HMCN2: variants seen among roughly 807,000 people sequenced by gnomAD.
HMCN2 encodes the protein hemicentin 2, also known as hemicentin-2.
Under a neutral mutation model 377.5 loss-of-function variants are expected in HMCN2, and 325 were observed. The observed-to-expected ratio is 0.86, with a 90% confidence interval of 0.79 to 0.94. The LOEUF (loss-of-function observed/expected upper bound fraction) is 0.94. Ranked by LOEUF, HMCN2 falls within the 40% of genes least tolerant of loss-of-function variation. The pLI, the probability that HMCN2 is intolerant of heterozygous loss-of-function variation, is 0.00. For missense variants in HMCN2, 4,543 were observed against 4,725.3 expected (o/e 0.96, Z 1.13); for synonymous variants, 2,007 against 2,046.8 (o/e 0.98, Z 0.53).
At chr9:130,432,102 CGTGGGCA>C (rs1461378046) in intron 96 of HMCN2, among the ~76,000 whole-genome samples, 2 of 152,216 alleles carry the variant, frequency 1.3e-5, no homozygotes, top group Non-Finnish European at 2.9e-5. Context: ...GGGCTCTGCC[CGTGGGCA>C]GTGGGCACTC....
intron 15 of HMCN2, among the ~76,000 whole-genome samples, chr9:130,317,505 CTT>C (rs1837626646): frequency 1.7e-5 from 2 of 120,004 alleles, no homozygotes; most frequent in East Asian, 2.4e-4. Flanking sequence ...CTCTCTCTCT[CTT>C]TTTTGTAGAC....
intron 85 of HMCN2, among the ~76,000 whole-genome samples, chr9:130,412,561 CTT>C (rs1228229806): frequency 2.9e-4 from 23 of 79,448 alleles, no homozygotes; most frequent in African/African-American, 4.9e-4. Flanking sequence ...TCTTTTCTTT[CTT>C]TCTCTTTTTT....
At position 130,393,366 on chromosome 9, in the gene HMCN2, G is replaced by T; in HGVS notation, c.10234+57G>T. Reference sequence around the variant, plus strand: ...CTGGCCTTGGTGGGTGAGAATCAAGGCCCTTGGCCCCCCTGCCCTTCTGGG... The same window carrying T: ...CTGGCCTTGGTGGGTGAGAATCAAGTCCCTTGGCCCCCCTGCCCTTCTGGG... On this transcript the variant is annotated intron_variant, in intron 67 of 97. Coordinates refer to ENST00000683500, the MANE Select transcript of HMCN2 (RefSeq NM_001291815.2). The surrounding 1 kb of genome is among the most constrained non-coding windows in gnomAD (Gnocchi z 5.2). The T allele has an allele frequency of 1.0e-6, 1 of 974,482 alleles. No individual in the cohort carries two copies. Among genetic ancestry groups the T allele is most frequent in the Non-Finnish European group, 1.2e-6 (1 of 816,138 alleles). 60.4% of individuals were successfully genotyped at this position (974,482 alleles called of 1,614,324 possible).
intron 22 of HMCN2, among the ~76,000 whole-genome samples, chr9:130,330,658 G>A (rs1344162090): frequency 2.0e-5 from 3 of 152,164 alleles, no homozygotes; most frequent in Non-Finnish European, 2.9e-5. Context: ...CTCAGAAGCC[G>A]TGAAGTTCTG....
At chr9:130,383,231 G>A (rs4740199) in intron 56 of HMCN2, among the ~76,000 whole-genome samples, 1 of 151,092 alleles carries the variant, frequency 6.6e-6, no homozygotes, top group East Asian at 1.9e-4. Flanking sequence ...GGGGACCCTG[G>A]GAGCCCAACA....
intron 11 of HMCN2, 53 bp from the exon 12 acceptor site, chr9:130,306,076 G>A (rs1437669014): frequency 2.2e-6 from 1 of 460,906 alleles, no homozygotes; most frequent in Non-Finnish European, 4.6e-6. Context: ...TGCCTGGGAT[G>A]GCACGGCTGC....
rs1282299865 is a variant in HMCN2 at position 130,308,528 on chromosome 9, C to T, written c.2200+962C>T. ...CCGGGGTCAGCAATACTGTCCCCTC[C>T]CATTCCTTGCAGCAGCTGCCTGGGA... is the stretch of plus-strand genomic sequence containing the variant. On this transcript the variant is annotated intron_variant, in intron 14 of 97. Transcript: ENST00000683500. The surrounding 1 kb of genome is among the most constrained non-coding windows in gnomAD (Gnocchi z 4.1). 6.6e-6 allele frequency among the ~76,000 whole-genome samples: 1 copy of T among 152,142 alleles called. No homozygotes were observed. Among genetic ancestry groups the T allele is most frequent in the Non-Finnish European group, 1.5e-5 (1 of 68,026 alleles).
intron 96 of HMCN2, among the ~76,000 whole-genome samples, chr9:130,431,850 G>A (rs575785740): frequency 3.0e-4 from 46 of 152,246 alleles, no homozygotes; most frequent in Non-Finnish European, 6.3e-4. Flanking sequence ...GATGAGAGCT[G>A]TGGAGGTTGA....
At chr9:130,382,147 G>T (rs13285825) in intron 54 of HMCN2, 37 bp from the exon 55 acceptor site, 77,847 of 945,422 alleles carry the variant, frequency 0.082, 3,535 homozygotes, top group Non-Finnish European at 0.091. Flanking sequence ...GGTGACTCTC[G>T]TGCCTGAGCC....
chr9:130,266,275 C>G (rs1325419671), intron 1 of HMCN2, 138 bp downstream of exon 1: 1 of 357,364 alleles, frequency 2.8e-6, no homozygotes, highest in Non-Finnish European at 5.5e-6. Context: ...CTCGGCATAT[C>G]CGCGCTGCGG....
intron 32 of HMCN2, 88 bp from the exon 33 acceptor site, chr9:130,355,658 C>A: frequency 1.4e-6 from 1 of 707,278 alleles, no homozygotes; most frequent in Non-Finnish European, 2.2e-6. Flanking sequence ...TGCAGCTGGG[C>A]CTCGCTTGGA....
At position 130,400,881 on chromosome 9, in the gene HMCN2, G is replaced by A. The variant is rs1009289359; in HGVS notation, c.11704G>A (p.Val3902Met). The change falls in exon 77 of 98, where the codon GTG (valine) becomes ATG (methionine). Residue 3902 changes from valine to methionine, a missense_variant. Val to Met is a conservative substitution (Grantham distance 21, BLOSUM62 1). Transcript: ENST00000683500. The part of the protein sequence containing the change: ...CHSTGIPAPT[V>M]SWSKAGAQLG... ...CAGCACGGGTATACCAGCTCCGACCGTGTCCTGGAGCAAGGCAGGCGCCCA... is the reference window on the plus strand; with the variant it reads ...CAGCACGGGTATACCAGCTCCGACCATGTCCTGGAGCAAGGCAGGCGCCCA... 8.5e-6 allele frequency: 11 copies of A among 1,289,302 alleles called. No individual in the cohort carries two copies. The highest frequency in any genetic ancestry group is 4.6e-5 in the African/African-American group (3 of 65,862). The allele number at this position is 1,289,302 out of a possible 1,614,324, so 79.9% of individuals were successfully genotyped here.
intron 65 of HMCN2, 94 bp downstream of exon 65, chr9:130,391,668 C>T: frequency 1.0e-6 from 1 of 967,406 alleles, no homozygotes; most frequent in Non-Finnish European, 1.2e-6. Context: ...TGTCCTGGGC[C>T]ACGGGTCTCA....
intron 61 of HMCN2, among the ~76,000 whole-genome samples, chr9:130,388,042 G>A (rs1195213440): frequency 6.6e-6 from 1 of 152,226 alleles, no homozygotes; most frequent in Non-Finnish European, 1.5e-5. Flanking sequence ...TGAGGGCAAA[G>A]GCATTTCATC....
intron 85 of HMCN2, among the ~76,000 whole-genome samples, chr9:130,417,792 T>C (rs1843777758): frequency 6.6e-6 from 1 of 152,220 alleles, no homozygotes; most frequent in Admixed American, 6.5e-5. Flanking sequence ...CCTGTGTTTC[T>C]GCAGCTTGCT....
rs1171893563 is a variant in HMCN2 at position 130,348,652 on chromosome 9, G to A, written c.4132G>A (p.Val1378Met). The change falls in exon 27 of 98, where the codon GTG (valine) becomes ATG (methionine). Residue 1378 changes from valine to methionine, a missense_variant. By Grantham distance (21) the Val-to-Met change is conservative (BLOSUM62 1). Coordinates refer to ENST00000683500, the MANE Select transcript of HMCN2 (RefSeq NM_001291815.2). ...GAACGGCTTTCCAGTCCCTGAGATC[G>A]TGTGGCTGAAGGACGCGCAGCTGGT... ...DANGFPVPEI[V>M]WLKDAQLIPK... is the part of the protein sequence containing the mutation. 6 of 1,304,124 alleles carry A rather than the reference G, an allele frequency of 4.6e-6. No individual in the cohort carries two copies. Among genetic ancestry groups the A allele is most frequent in the Admixed American group, 2.3e-5 (1 of 43,576 alleles). The allele number at this position is 1,304,124 out of a possible 1,614,324, so 80.8% of individuals were successfully genotyped here.
At chr9:130,406,224 AAGGG>A in intron 82 of HMCN2, 56 bp downstream of exon 82, 1 of 1,270,086 alleles carries the variant, frequency 7.9e-7, no homozygotes, top group Non-Finnish European at 1.0e-6. Context: ...GGAGGTTAAG[AAGGG>A]AGGGCAGGTG....
Position 130,362,999 on chromosome 9 carries a change from C to G in HMCN2, c.6232+9C>G, listed in dbSNP as rs1263860034. On this transcript the variant is annotated intron_variant, in intron 40 of 97. Transcript: ENST00000683500. ...TGTCCTGCAAGTCCACAGTGAGTCTCAGACTGGGAAAGCCATGTGGTTCAG... is the reference window on the plus strand; with the variant it reads ...TGTCCTGCAAGTCCACAGTGAGTCTGAGACTGGGAAAGCCATGTGGTTCAG... The G allele has an allele frequency of 1.0e-6, 1 of 985,800 alleles. No homozygotes were observed. The highest frequency in any genetic ancestry group is 1.2e-6 in the Non-Finnish European group (1 of 830,014). 61.1% of individuals were successfully genotyped at this position (985,800 alleles called of 1,614,324 possible). A position where few individuals can be genotyped will look rare whatever the true frequency, so the allele number is the denominator to read the frequency against.
intron 43 of HMCN2, among the ~76,000 whole-genome samples, chr9:130,366,467 ATTTTTT>A (rs71499234): frequency 0.017 from 1,378 of 82,994 alleles, 18 homozygotes; most frequent in African/African-American, 0.06. Flanking sequence ...CACTTCACCA[ATTTTTT>A]TTTTTTTTTT....
Sources: allele counts gnomAD v4.1 joint callset (sites outside exome capture counted in the v4.1 genomes callset), GRCh38; gene constraint gnomAD v4.1.1; non-coding constraint Gnocchi (gnomAD v3.1); transcripts MANE v1.5; gene names NCBI Gene and HGNC (gene_info 2026-07-23, HGNC 2026-07-21).